Variants in EXOC6B observed in about 807,000 individuals in gnomAD.
EXOC6B encodes the protein SEC15 homolog B.
Under a neutral mutation model 113.5 loss-of-function variants are expected in EXOC6B, and 54 were observed. That is an observed-to-expected ratio of 0.48 (90% CI 0.38 to 0.60). The LOEUF is 0.60. Among genes scored for constraint, EXOC6B ranks in the 20% least tolerant of loss-of-function variants. The probability of loss-of-function intolerance (pLI) is 0.00; values close to 1 mark genes in which losing one functional copy is unlikely to be tolerated. For synonymous variants in EXOC6B, 357 were observed against 339.0 expected, an observed-to-expected ratio of 1.05 and a Z score of -0.58; for missense variants, 797 against 977.5, an observed-to-expected ratio of 0.82 and a Z score of 2.46.
At chr2:72,802,660 A>T (rs545891829) in intron 1 of EXOC6B, among the ~76,000 whole-genome samples, 34 of 152,198 alleles carry the variant, frequency 2.2e-4, no homozygotes, top group African/African-American at 7.7e-4. Flanking sequence ...AAAATCAGAA[A>T]GAAAAGGCCC....
intron 1 of EXOC6B, among the ~76,000 whole-genome samples, chr2:72,772,781 G>A (rs970724735): frequency 6.6e-6 from 1 of 152,104 alleles, no homozygotes; most frequent in African/African-American, 2.4e-5. Context: ...CTGGGTGATG[G>A]GCTTTCCCTG....
At chr2:72,456,761 C>G (rs994925213) in intron 18 of EXOC6B, among the ~76,000 whole-genome samples, 2 of 152,058 alleles carry the variant, frequency 1.3e-5, no homozygotes, top group Admixed American at 6.6e-5. Flanking sequence ...TGGAACACAG[C>G]AGATGCTTTA....
At chr2:72,641,531 G>A (rs143900852) in intron 6 of EXOC6B, among the ~76,000 whole-genome samples, 1,530 of 152,364 alleles carry the variant, frequency 0.01, 42 homozygotes, top group African/African-American at 0.035. Flanking sequence ...CCATTGCTGA[G>A]GCTTGAGTAG....
At chr2:72,203,753 C>A (rs1361685501) in intron 20 of EXOC6B, among the ~76,000 whole-genome samples, 1 of 152,144 alleles carries the variant, frequency 6.6e-6, no homozygotes, top group Non-Finnish European at 1.5e-5. Context: ...TGCTGAGGTA[C>A]AACAGAGGTA....
chr2:72,690,490 C>T (rs1677406185), intron 6 of EXOC6B, among the ~76,000 whole-genome samples: 1 of 152,100 alleles, frequency 6.6e-6, no homozygotes, highest in Non-Finnish European at 1.5e-5. Flanking sequence ...TTTTGAATCC[C>T]TTGACAATAT....
chr2:72,632,349 G>A (rs1672527654), intron 6 of EXOC6B, among the ~76,000 whole-genome samples: 3 of 152,272 alleles, frequency 2.0e-5, no homozygotes, highest in South Asian at 4.1e-4. Context: ...CAGTAAAAAT[G>A]TAAATGTAAA....
At chr2:72,392,575 TACTG>T (rs749909143) in intron 18 of EXOC6B, among the ~76,000 whole-genome samples, 5 of 152,250 alleles carry the variant, frequency 3.3e-5, no homozygotes, top group Non-Finnish European at 7.3e-5. Flanking sequence ...GATCTGCTTC[TACTG>T]ACTATTTAAA....
intron 11 of EXOC6B, among the ~76,000 whole-genome samples, chr2:72,509,571 T>A (rs1334839012): frequency 1.3e-5 from 2 of 151,980 alleles, no homozygotes; most frequent in Non-Finnish European, 2.9e-5. Context: ...AATTAACTAC[T>A]CAAAAACGTT....
chr2:72,219,799 T>C (rs1389994174), intron 20 of EXOC6B, among the ~76,000 whole-genome samples: 2 of 152,222 alleles, frequency 1.3e-5, no homozygotes, highest in African/African-American at 2.4e-5. Flanking sequence ...TCAGTTTGCC[T>C]CATTTTATTT....
At chr2:72,673,246 G>A (rs1676035555) in intron 6 of EXOC6B, among the ~76,000 whole-genome samples, 1 of 152,052 alleles carries the variant, frequency 6.6e-6, no homozygotes, top group African/African-American at 2.4e-5. Context: ...GCTAATAAAG[G>A]ATACTTTTAA....
intron 5 of EXOC6B, among the ~76,000 whole-genome samples, chr2:72,720,788 G>T (rs2104731568): frequency 6.6e-6 from 1 of 151,502 alleles, no homozygotes; most frequent in African/African-American, 2.4e-5. Flanking sequence ...ACACAAAAGA[G>T]CTGAAATGGC....
At chr2:72,456,821 C>G (rs1697264117) in intron 18 of EXOC6B, among the ~76,000 whole-genome samples, 1 of 152,036 alleles carries the variant, frequency 6.6e-6, no homozygotes, top group African/African-American at 2.4e-5. Flanking sequence ...AATGACATGT[C>G]CAGCCCAAGG....
chr2:72,687,046 G>A (rs547863934), intron 6 of EXOC6B, among the ~76,000 whole-genome samples: 104 of 151,810 alleles, frequency 6.9e-4, no homozygotes, highest in African/African-American at 2.4e-3. Context: ...GCTGAGGCAG[G>A]AGAATTGCTT....
intron 19 of EXOC6B, among the ~76,000 whole-genome samples, chr2:72,368,365 ATAAT>A (rs1379411183): frequency 6.6e-6 from 1 of 152,184 alleles, no homozygotes; most frequent in Non-Finnish European, 1.5e-5. Flanking sequence ...AATTGAGGCA[ATAAT>A]TAATAGCTTA....
intron 6 of EXOC6B, among the ~76,000 whole-genome samples, chr2:72,660,461 T>C (rs1047489688): frequency 6.6e-6 from 1 of 152,198 alleles, no homozygotes; most frequent in Non-Finnish European, 1.5e-5. Context: ...ACAAAAATTA[T>C]CCTCATTCAA....
At chr2:72,203,319 T>G (rs1018746756) in intron 20 of EXOC6B, among the ~76,000 whole-genome samples, 2 of 152,212 alleles carry the variant, frequency 1.3e-5, no homozygotes, top group Admixed American at 6.5e-5. Flanking sequence ...GAATTATTTC[T>G]TTTGTCTTGT....
At chr2:72,361,598 G>A (rs889330964) in intron 19 of EXOC6B, among the ~76,000 whole-genome samples, 7 of 152,170 alleles carry the variant, frequency 4.6e-5, no homozygotes, top group African/African-American at 1.7e-4. Flanking sequence ...AATTAAGTAG[G>A]CAGAGTTATG....
intron 6 of EXOC6B, among the ~76,000 whole-genome samples, chr2:72,684,386 A>C (rs2104559492): frequency 6.6e-6 from 1 of 152,330 alleles, no homozygotes; most frequent in Middle Eastern, 3.4e-3. Context: ...ACAGCAATTG[A>C]GGAAACAAAA....
intron 6 of EXOC6B, among the ~76,000 whole-genome samples, chr2:72,585,360 G>T (rs1705491512): frequency 6.6e-6 from 1 of 152,176 alleles, no homozygotes; most frequent in South Asian, 2.1e-4. Context: ...CATTTTGGGA[G>T]GCCAAGGCAG....
Sources: gnomAD v4.1 joint callset for allele counts (sites outside exome capture counted in the v4.1 genomes callset) on GRCh38, gnomAD v4.1.1 for gene constraint, MANE v1.5 for transcripts, NCBI Gene and HGNC (gene_info 2026-07-23, HGNC 2026-07-21) for gene names.